Variants in F13B observed in about 807,000 individuals in gnomAD.
F13B encodes the protein coagulation factor XIII B chain, also known as TGase.
A neutral mutation model predicts 79.8 loss-of-function variants in F13B; 58 were observed. The ratio of observed to expected loss-of-function variants is 0.73; its 90% CI spans 0.59 to 0.90. F13B has a LOEUF of 0.90. F13B is among the 40% of genes least tolerant of loss of function. The pLI is 0.00. For missense variants in F13B, 773 were observed against 777.0 expected (o/e 0.99, Z 0.06); for synonymous variants, 283 against 260.3 (o/e 1.09, Z -0.84).
chr1:197,060,663 T>C, intron 4 of F13B, 121 bp from the exon 5 acceptor site: 1 of 762,274 alleles, frequency 1.3e-6, no homozygotes, highest in Non-Finnish European at 2.1e-6. Flanking sequence ...GCTTATGAAT[T>C]CATTTTATAT....
chr1:197,050,789 A>G lies in F13B; in HGVS notation c.1646T>C (p.Val549Ala), dbSNP rs1381663447. The G allele has an allele frequency of 1.9e-6, 3 of 1,613,430 alleles. No individual in the cohort carries two copies. Among genetic ancestry groups the G allele is most frequent in the East Asian group, 4.5e-5 (2 of 44,834 alleles). Reference protein sequence around the residue: ...TVDTYENGSSVEYRCFDHHFL... With the variant: ...TVDTYENGSSAEYRCFDHHFL... ...ATGGTGATCAAAACATCTGTATTCT[A>G]CTGAAGAGCCATTTTCATAGGTGTC... is the stretch of plus-strand genomic sequence containing the variant. Residue 549 changes from valine (V) to alanine (A), a missense_variant, in exon 10 of 12, where the codon GTA becomes GCA. Coordinates refer to ENST00000367412, the MANE Select transcript of F13B (RefSeq NM_001994.3).
rs1383922898 is a variant in F13B at position 197,050,779 on chromosome 1, T to A, written c.1656A>T (p.Arg552Ser). ...TYENGSSVEYRCFDHHFLEGS... is the reference protein window; with the variant it reads ...TYENGSSVEYSCFDHHFLEGS... ...CTTCTAGGAAATGGTGATCAAAACATCTGTATTCTACTGAAGAGCCATTTT... is the reference window on the plus strand; with the variant it reads ...CTTCTAGGAAATGGTGATCAAAACAACTGTATTCTACTGAAGAGCCATTTT... Residue 552 changes from arginine (R) to serine (S), a missense_variant, in exon 10 of 12, where the codon AGA becomes AGT. Physicochemically the swap from Arg to Ser is moderately radical, Grantham distance 110 (BLOSUM62 -1). Transcript: ENST00000367412. The A allele has an allele frequency of 3.7e-6, 6 of 1,613,320 alleles. No homozygotes were observed. Among genetic ancestry groups the A allele is most frequent in the Non-Finnish European group, 5.1e-6 (6 of 1,179,644 alleles).
At position 197,039,407 on chromosome 1, in the gene F13B, G is replaced by A. The variant is rs765829701; in HGVS notation, c.1957C>T (p.Leu653=). 1 of 1,609,998 alleles carries A rather than the reference G, an allele frequency of 6.2e-7. No homozygotes were observed. Among genetic ancestry groups the A allele is most frequent in the East Asian group, 2.2e-5 (1 of 44,648 alleles). ...YPRCIPRQST[L]SYQEPLRT is the part of the protein sequence containing the mutation. ...GTTCTTAAGGGTTCTTGATAAGACA[G>A]AGTGCTTGAGGGGAAAAAGAGAGAT... is the stretch of plus-strand genomic sequence containing the variant. The change falls in exon 12 of 12, where the codon CTG becomes TTG. Residue 653 remains leucine (L), a synonymous_variant. Coordinates refer to ENST00000367412, the MANE Select transcript of F13B (RefSeq NM_001994.3).
intron 7 of F13B, 65 bp from the exon 8 acceptor site, chr1:197,055,962 T>C (rs1052519138): frequency 7.9e-7 from 1 of 1,269,758 alleles, no homozygotes; most frequent in African/African-American, 1.5e-5. Flanking sequence ...TAACTCATAC[T>C]ATAGTGTCTC....
intron 1 of F13B, among the ~76,000 whole-genome samples, chr1:197,066,012 TA>T (rs1416996084): frequency 6.6e-6 from 1 of 152,018 alleles, no homozygotes; most frequent in Non-Finnish European, 1.5e-5. Flanking sequence ...TTTTGTTGTG[TA>T]AAATAGCATT....
At chr1:197,040,761 GAAAGAA>G (rs760721695) in intron 10 of F13B, 26 bp from the exon 11 acceptor site, 1 of 1,536,544 alleles carries the variant, frequency 6.5e-7, no homozygotes, top group African/African-American at 1.4e-5. Flanking sequence ...TAAAAAAAAA[GAAAGAA>G]AAAGAAGAAA....
chr1:197,063,117 A>G (rs980688113), intron 1 of F13B, 60 bp from the exon 2 acceptor site: 6 of 1,460,996 alleles, frequency 4.1e-6, no homozygotes, highest in South Asian at 1.1e-5. Flanking sequence ...ATAAATTTGT[A>G]ATCAGGTGAC....
At chr1:197,061,661 C>T in intron 3 of F13B, 123 bp downstream of exon 3, 2 of 831,514 alleles carry the variant, frequency 2.4e-6, no homozygotes, top group Non-Finnish European at 3.8e-6. Flanking sequence ...ATATCAACTT[C>T]CTGCATTGTA....
chr1:197,040,751 TA>T lies in F13B; in HGVS notation c.1739-17del, dbSNP rs575018842. ...GTGCATGGCTCTGGGAACAACAATT[TA>T]AAAAAAAAGAAAGAAAAAGAAGAAA... On this transcript the variant is annotated splice_polypyrimidine_tract_variant and intron_variant, in intron 10 of 11. Coordinates refer to ENST00000367412, the MANE Select transcript of F13B (RefSeq NM_001994.3). 1.6e-4 allele frequency: 250 copies of T among 1,559,090 alleles called. No individual in the cohort carries two copies. Among genetic ancestry groups the T allele is most frequent in the Admixed American group, 3.9e-4 (22 of 56,304 alleles).
rs535251346 is a variant in F13B at position 197,058,754 on chromosome 1, A to G, written c.806-1289T>C. ...TGTAAGGTAACGTTTAATGGTTCTC[A>G]GTATTAGAATGTGGCTATATTTTGG... On this transcript the variant is annotated intron_variant, in intron 5 of 11. Coordinates refer to ENST00000367412, the MANE Select transcript of F13B (RefSeq NM_001994.3). Among the ~76,000 whole-genome samples the G allele has an allele frequency of 2.0e-5, 3 of 152,224 alleles. No homozygotes were observed. The South Asian group carries it at 6.2e-4, about 32-fold the overall frequency.
chr1:197,043,501 A>T (rs1185505819), intron 10 of F13B, among the ~76,000 whole-genome samples: 1 of 152,214 alleles, frequency 6.6e-6, no homozygotes, highest in African/African-American at 2.4e-5. Context: ...GTTTGCAGAC[A>T]AGCCTTAATA....
chr1:197,052,884 A>G (rs777769927), intron 8 of F13B, 50 bp from the exon 9 acceptor site: 1 of 1,461,646 alleles, frequency 6.8e-7, no homozygotes, highest in Non-Finnish European at 9.5e-7. Context: ...GACAAATATA[A>G]AAGTGATATT....
intron 1 of F13B, among the ~76,000 whole-genome samples, chr1:197,064,192 G>A (rs1655969755): frequency 6.6e-6 from 1 of 152,054 alleles, no homozygotes; most frequent in African/African-American, 2.4e-5. Flanking sequence ...ACTGGAACTC[G>A]CATATTTCTA....
At chr1:197,067,051 T>C (rs1571574754) in intron 1 of F13B, 109 bp downstream of exon 1, 1 of 553,508 alleles carries the variant, frequency 1.8e-6, no homozygotes, top group Non-Finnish European at 3.1e-6. Context: ...AAATATGTTA[T>C]AAAATTGATA....
At chr1:197,062,836 T>C (rs1359118439) in intron 2 of F13B, 21 bp downstream of exon 2, 1 of 1,611,588 alleles carries the variant, frequency 6.2e-7, no homozygotes, top group Non-Finnish European at 8.5e-7. Flanking sequence ...AAACATTGAG[T>C]GACATATCCA....
At chr1:197,044,084 A>G (rs984608146) in intron 10 of F13B, among the ~76,000 whole-genome samples, 20 of 151,116 alleles carry the variant, frequency 1.3e-4, no homozygotes, top group Non-Finnish European at 2.7e-4. Flanking sequence ...GAGAGAGAGA[A>G]AGAGAGAGAG....
intron 5 of F13B, among the ~76,000 whole-genome samples, chr1:197,058,544 A>G (rs529699902): frequency 6.6e-6 from 1 of 152,208 alleles, no homozygotes; most frequent in South Asian, 2.1e-4. Context: ...CTTGGCTCAC[A>G]ACCCCTTCCT....
At position 197,067,238 on chromosome 1, in the gene F13B, T is replaced by C; in HGVS notation, c.-15A>G. The C allele has an allele frequency of 1.3e-6, 2 of 1,594,842 alleles. No homozygotes were observed. The highest frequency in any genetic ancestry group is 1.7e-6 in the Non-Finnish European group (2 of 1,163,266). ...TTCAACCTCATCTTCAGTGGTGTGC[T>C]TCACAAAGATTTTAACAATTCTAAG... is the stretch of plus-strand genomic sequence containing the variant. On this transcript the variant is annotated 5_prime_UTR_variant, in exon 1 of 12. Transcript: ENST00000367412.
intron 10 of F13B, among the ~76,000 whole-genome samples, chr1:197,044,747 C>T (rs1237872930): frequency 1.3e-5 from 2 of 152,136 alleles, no homozygotes; most frequent in African/African-American, 2.4e-5. Flanking sequence ...AAATTGACCA[C>T]ATAACTGCAA....
Sources: allele counts gnomAD v4.1 joint callset (sites outside exome capture counted in the v4.1 genomes callset), GRCh38; gene constraint gnomAD v4.1.1; transcripts MANE v1.5; gene names NCBI Gene and HGNC (gene_info 2026-07-23, HGNC 2026-07-21).